SH3BGRL2: variants seen among roughly 807,000 people sequenced by gnomAD.
SH3BGRL2 encodes the protein SH3 domain-binding glutamic acid-rich-like protein 2.
SH3BGRL2 carries 21 observed loss-of-function variants against 14.8 expected under a neutral mutation model. That is an observed-to-expected ratio of 1.42 (90% CI 1.01 to 2.05). The LOEUF is 2.05. SH3BGRL2 is among the 30% of genes most tolerant of loss of function. The pLI, the probability that SH3BGRL2 is intolerant of heterozygous loss-of-function variation, is 0.00. For synonymous variants in SH3BGRL2, 50 were observed against 47.8 expected (o/e 1.05, Z -0.19); for missense variants, 147 against 130.8 (o/e 1.12, Z -0.61).
upstream of SH3BGRL2, among the ~76,000 whole-genome samples, chr6:79,628,269 T>C (rs1206599463): frequency 6.6e-6 from 1 of 151,948 alleles, no homozygotes; most frequent in African/African-American, 2.4e-5. Flanking sequence ...ATTTTCTATA[T>C]TTAGAAACTT....
At chr6:79,664,917 G>A (rs914122047) in intron 1 of SH3BGRL2, among the ~76,000 whole-genome samples, 1 of 152,146 alleles carries the variant, frequency 6.6e-6, no homozygotes, top group Non-Finnish European at 1.5e-5. Flanking sequence ...CATTGAAAAA[G>A]TTGCCCAGGC....
the SH3BGRL2 span, among the ~76,000 whole-genome samples, chr6:79,547,859 TA>T: frequency 2.6e-5 from 4 of 152,276 alleles, no homozygotes; most frequent in East Asian, 7.7e-4. Flanking sequence ...TCCAACTATA[TA>T]CATAATAATA....
At chr6:79,674,227 A>G (rs1348700202) in intron 2 of SH3BGRL2, among the ~76,000 whole-genome samples, 3 of 152,076 alleles carry the variant, frequency 2.0e-5, no homozygotes, top group Admixed American at 6.6e-5. Context: ...GAGGGGGATA[A>G]TTATCTTTGA....
At chr6:79,551,242 G>A in the SH3BGRL2 span, among the ~76,000 whole-genome samples, 1 of 152,094 alleles carries the variant, frequency 6.6e-6, no homozygotes, top group Non-Finnish European at 1.5e-5. Flanking sequence ...CAATGTAAAA[G>A]TTCTATTGAA....
In SH3BGRL2 at chr6:79,699,585, C is replaced by A; in HGVS notation, c.*76C>A. 1 of 1,415,406 alleles carries A rather than the reference C, an allele frequency of 7.1e-7. No individual in the cohort carries two copies. Among genetic ancestry groups the A allele is most frequent in the South Asian group, 1.7e-5 (1 of 59,854 alleles). The allele number at this position is 1,415,406 out of a possible 1,614,324, so 87.7% of individuals were successfully genotyped here. A position where few individuals can be genotyped will look rare whatever the true frequency, so the allele number is the denominator to read the frequency against. ...TCAGCACACACATGCTTACCTAATG[C>A]ATCACTGTGACAAAAGCCACACGCA... On this transcript the variant is annotated 3_prime_UTR_variant, in exon 4 of 4. Transcript: ENST00000369838.
intron 2 of SH3BGRL2, among the ~76,000 whole-genome samples, chr6:79,679,772 A>G (rs2127735153): frequency 6.6e-6 from 1 of 151,920 alleles, no homozygotes; most frequent in East Asian, 1.9e-4. Context: ...AATGGTATCT[A>G]CTCTAATGAG....
chr6:79,653,520 CT>C (rs1333139386), intron 1 of SH3BGRL2, among the ~76,000 whole-genome samples: 1 of 152,066 alleles, frequency 6.6e-6, no homozygotes, highest in Non-Finnish European at 1.5e-5. Context: ...CGTAAAGTAA[CT>C]TTTGTGATTA....
the SH3BGRL2 span, among the ~76,000 whole-genome samples, chr6:79,568,572 C>A: frequency 6.6e-6 from 1 of 151,566 alleles, no homozygotes; most frequent in Non-Finnish European, 1.5e-5. Context: ...ATAACTACAA[C>A]AAAAAAAATT....
At chr6:79,598,440 G>A in the SH3BGRL2 span, among the ~76,000 whole-genome samples, 1 of 152,216 alleles carries the variant, frequency 6.6e-6, no homozygotes, top group South Asian at 2.1e-4. Context: ...GAAGAAGGAA[G>A]TACTGGTATG....
chr6:79,636,776 G>T (rs1768932038), intron 1 of SH3BGRL2, among the ~76,000 whole-genome samples: 1 of 152,036 alleles, frequency 6.6e-6, no homozygotes, highest in Non-Finnish European at 1.5e-5. Context: ...CCTCATCTCT[G>T]CCTTCACATT....
chr6:79,551,628 A>G, the SH3BGRL2 span, among the ~76,000 whole-genome samples: 3 of 152,158 alleles, frequency 2.0e-5, no homozygotes, highest in African/African-American at 4.8e-5. Context: ...CTTTATGCTA[A>G]ACAGTTTGGC....
the SH3BGRL2 span, among the ~76,000 whole-genome samples, chr6:79,581,430 G>T: frequency 6.6e-6 from 1 of 152,162 alleles, no homozygotes. Context: ...ACTTCAAAAA[G>T]CTTATCCACC....
At chr6:79,603,045 C>G in the SH3BGRL2 span, among the ~76,000 whole-genome samples, 2 of 152,130 alleles carry the variant, frequency 1.3e-5, no homozygotes, top group Non-Finnish European at 2.9e-5. Context: ...AAAAAACTGA[C>G]AGGCAGAAAA....
intron 2 of SH3BGRL2, among the ~76,000 whole-genome samples, chr6:79,687,235 G>C (rs1770114729): frequency 6.6e-6 from 1 of 152,134 alleles, no homozygotes. Context: ...TTCTTCTATT[G>C]GTTTGGGCTG....
intron 1 of SH3BGRL2, among the ~76,000 whole-genome samples, chr6:79,672,733 A>G (rs1769798602): frequency 6.6e-6 from 1 of 152,142 alleles, no homozygotes; most frequent in Admixed American, 6.6e-5. Flanking sequence ...ATTCCATCTC[A>G]ATTAGTATGT....
At chr6:79,631,212 G>A (rs1768815495), upstream of SH3BGRL2, 3 of 386,630 alleles carry the variant, frequency 7.8e-6, no homozygotes, top group Non-Finnish European at 1.4e-5. Context: ...GGGAGAGACG[G>A]AAACTACAAA....
At chr6:79,551,187 A>G in the SH3BGRL2 span, among the ~76,000 whole-genome samples, 1 of 152,208 alleles carries the variant, frequency 6.6e-6, no homozygotes, top group Non-Finnish European at 1.5e-5. Context: ...TATTTCTAAT[A>G]CCCCAATGGG....
chr6:79,645,102 G>T (rs952713199), intron 1 of SH3BGRL2, among the ~76,000 whole-genome samples: 2 of 146,828 alleles, frequency 1.4e-5, no homozygotes, highest in Non-Finnish European at 1.5e-5. Flanking sequence ...GGAGTAGGTT[G>T]CAGTGAGCTG....
the SH3BGRL2 span, among the ~76,000 whole-genome samples, chr6:79,541,822 T>C: frequency 6.6e-6 from 1 of 152,212 alleles, no homozygotes; most frequent in Non-Finnish European, 1.5e-5. Flanking sequence ...GTGATGATAA[T>C]AATTTTATTC....
Sources: allele counts gnomAD v4.1 joint callset (sites outside exome capture counted in the v4.1 genomes callset), GRCh38; gene constraint gnomAD v4.1.1; transcripts MANE v1.5; gene names NCBI Gene and HGNC (gene_info 2026-07-23, HGNC 2026-07-21).